The following STXBP5L variants were observed in gnomAD, a reference collection of about 807,000 sequenced individuals.
The protein encoded by STXBP5L is syntaxin-binding protein 5-like.
A neutral mutation model predicts 144.5 loss-of-function variants in STXBP5L; 65 were observed. That is an observed-to-expected ratio of 0.45 (90% CI 0.37 to 0.55). The LOEUF is 0.55. Among genes scored for constraint, STXBP5L ranks in the 20% least tolerant of loss-of-function variants. STXBP5L has a pLI of 0.00. For synonymous variants in STXBP5L, 505 were observed against 469.6 expected (o/e 1.08, Z -0.97); for missense variants, 1,298 against 1,405.5 (o/e 0.92, Z 1.22).
chr3:121,180,501 A>G (rs1457100877), intron 9 of STXBP5L, among the ~76,000 whole-genome samples: 1 of 152,224 alleles, frequency 6.6e-6, no homozygotes, highest in African/African-American at 2.4e-5. Flanking sequence ...CGTGAAGCTC[A>G]TAGGGCCTAT....
At chr3:121,327,549 A>G (rs747486496) in intron 20 of STXBP5L, among the ~76,000 whole-genome samples, 5 of 152,180 alleles carry the variant, frequency 3.3e-5, no homozygotes, top group Non-Finnish European at 5.9e-5. Flanking sequence ...ATGCTATACC[A>G]CTTAACAATT....
rs1708736898 is a variant in STXBP5L, at chr3:120,909,869, C to T, written c.189+102C>T. 2.4e-6 allele frequency: 3 copies of T among 1,240,998 alleles called. No homozygotes were observed. The South Asian group carries it at 4.4e-5, about 18-fold the overall frequency. 76.9% of individuals were successfully genotyped at this position (1,240,998 alleles called of 1,614,324 possible). ...CAGGAACAGGAAACTGTTGAGATGTCAGCATCAGAGTCTGCTGCAGAAAGC... is the reference window on the plus strand; with the variant it reads ...CAGGAACAGGAAACTGTTGAGATGTTAGCATCAGAGTCTGCTGCAGAAAGC... On this transcript the variant is annotated intron_variant, in intron 2 of 26. Coordinates refer to ENST00000471454, the MANE Select transcript of STXBP5L (RefSeq NM_001308330.2).
At chr3:121,071,417 G>A (rs1490491104) in intron 5 of STXBP5L, among the ~76,000 whole-genome samples, 2 of 152,210 alleles carry the variant, frequency 1.3e-5, no homozygotes, top group Non-Finnish European at 2.9e-5. Context: ...GGACCGACCA[G>A]CCTCTGGTGC....
chr3:121,075,464 A>G (rs887622466), intron 5 of STXBP5L, among the ~76,000 whole-genome samples: 2 of 152,026 alleles, frequency 1.3e-5, no homozygotes, highest in African/African-American at 2.4e-5. Flanking sequence ...CCTCATCTTG[A>G]TTTACAAACA....
chr3:121,296,219 G>A (rs1373296820), intron 19 of STXBP5L, among the ~76,000 whole-genome samples: 1 of 152,066 alleles, frequency 6.6e-6, no homozygotes, highest in Non-Finnish European at 1.5e-5. Context: ...TAAAATCTTG[G>A]GGAAATTTCA....
intron 3 of STXBP5L, among the ~76,000 whole-genome samples, chr3:121,032,502 T>C (rs994871812): frequency 6.6e-6 from 1 of 151,600 alleles, no homozygotes; most frequent in South Asian, 2.1e-4. Flanking sequence ...ATTCAGGACA[T>C]AGGCACGGGC....
chr3:121,028,219 A>G (rs1311216243), intron 3 of STXBP5L, among the ~76,000 whole-genome samples: 2 of 152,074 alleles, frequency 1.3e-5, no homozygotes, highest in African/African-American at 4.8e-5. Flanking sequence ...GTTTAGAAGT[A>G]TTAAGTGGAT....
At chr3:121,274,222 T>C (rs1181443355) in intron 18 of STXBP5L, among the ~76,000 whole-genome samples, 1 of 152,066 alleles carries the variant, frequency 6.6e-6, no homozygotes, top group Admixed American at 6.6e-5. Context: ...GTAGATACAG[T>C]GGGGAAATGC....
At chr3:120,973,591 G>C (rs970571756) in intron 3 of STXBP5L, among the ~76,000 whole-genome samples, 3 of 151,914 alleles carry the variant, frequency 2.0e-5, no homozygotes, top group Non-Finnish European at 4.4e-5. Context: ...TGTGCACAAT[G>C]TGCAGGTTAG....
At chr3:121,409,487 G>A (rs536728256) in intron 23 of STXBP5L, among the ~76,000 whole-genome samples, 16 of 151,936 alleles carry the variant, frequency 1.1e-4, no homozygotes, top group African/African-American at 3.9e-4. Context: ...GGAAACAAAA[G>A]CTAATTTTCA....
rs1031883397 is a variant in STXBP5L, at chr3:121,160,060, T to C, written c.877+2433T>C. On this transcript the variant is annotated intron_variant, in intron 9 of 26. Coordinates refer to ENST00000471454, the MANE Select transcript of STXBP5L (RefSeq NM_001308330.2). ...GAGAAGCGAGTTAACATTTCTCTTA[T>C]AATGGATTTTCCTTTGTAATTCTGT... 2.6e-5 allele frequency among the ~76,000 whole-genome samples: 4 copies of C among 152,262 alleles called. No individual in the cohort carries two copies. In the East Asian group the frequency reaches 7.7e-4, roughly 29 times the overall value.
intron 24 of STXBP5L, among the ~76,000 whole-genome samples, chr3:121,415,253 C>A (rs746005044): frequency 6.6e-6 from 1 of 152,130 alleles, no homozygotes; most frequent in Non-Finnish European, 1.5e-5. Context: ...TATGTAGAGT[C>A]TGATTTCATA....
chr3:121,132,625 A>G (rs9841572), intron 7 of STXBP5L, among the ~76,000 whole-genome samples: 15,101 of 152,196 alleles, frequency 0.099, 1,182 homozygotes, highest in Admixed American at 0.2. Flanking sequence ...GAAGAATCAG[A>G]CAAAAATATT....
At chr3:121,388,862 G>A (rs1007304274) in intron 22 of STXBP5L, among the ~76,000 whole-genome samples, 3 of 152,028 alleles carry the variant, frequency 2.0e-5, no homozygotes, top group Non-Finnish European at 2.9e-5. Flanking sequence ...CTTTTTTGTT[G>A]TGTCTCTGCC....
At chr3:121,339,846 C>T (rs1256108966) in intron 20 of STXBP5L, among the ~76,000 whole-genome samples, 4 of 151,142 alleles carry the variant, frequency 2.6e-5, no homozygotes, top group Non-Finnish European at 5.9e-5. Context: ...TACATTTAAC[C>T]GGGGAGGTGA....
intron 9 of STXBP5L, among the ~76,000 whole-genome samples, chr3:121,178,287 T>C (rs2047012485): frequency 6.6e-6 from 1 of 152,188 alleles, no homozygotes; most frequent in East Asian, 1.9e-4. Context: ...TTATCTTAGT[T>C]GTATTTTACT....
chr3:120,989,524 C>G (rs878887722), intron 3 of STXBP5L, among the ~76,000 whole-genome samples: 2 of 152,050 alleles, frequency 1.3e-5, no homozygotes, highest in Admixed American at 6.6e-5. Context: ...CTTGTAGATT[C>G]TGCATGTGAC....
intron 9 of STXBP5L, among the ~76,000 whole-genome samples, chr3:121,196,967 C>A (rs148427363): frequency 2.0e-5 from 3 of 152,258 alleles, no homozygotes; most frequent in East Asian, 1.9e-4. Context: ...TCAGGTGCAA[C>A]CCACTGGGCT....
chr3:120,969,876 C>G (rs1453182009), intron 3 of STXBP5L, among the ~76,000 whole-genome samples: 1 of 151,928 alleles, frequency 6.6e-6, no homozygotes, highest in Non-Finnish European at 1.5e-5. Flanking sequence ...CTGTTTTCCT[C>G]TGTTACTGTT....
Sources: gnomAD v4.1 joint callset for allele counts (sites outside exome capture counted in the v4.1 genomes callset) on GRCh38, gnomAD v4.1.1 for gene constraint, MANE v1.5 for transcripts, NCBI Gene and HGNC (gene_info 2026-07-23, HGNC 2026-07-21) for gene names.